EML1: variants seen among roughly 807,000 people sequenced by gnomAD.
The protein encoded by EML1 is EMAP like 1.
A neutral mutation model predicts 110.4 loss-of-function variants in EML1; 27 were observed. That is an observed-to-expected ratio of 0.24 (90% CI 0.18 to 0.34). EML1 has a LOEUF of 0.34. EML1 is among the 10% of genes least tolerant of loss of function. The probability of loss-of-function intolerance (pLI) is 1.00; values close to 1 mark genes in which losing one functional copy is unlikely to be tolerated. For synonymous variants in EML1, 344 were observed against 385.8 expected (o/e 0.89, Z 1.27); for missense variants, 741 against 1,030.9 (o/e 0.72, Z 3.85).
Position 99,878,500 on chromosome 14 carries a change from C to G in EML1, c.399C>G (p.Thr133=). The stretch of plus-strand genomic sequence containing the variant: ...CCACCCTTAGTAACATCAAGAGGAC[C>G]AGCTCTTCTGAACGAGTGTCTCCTG... ...VPATKSNIKR[T]SSSERVSPGG... Residue 133 remains threonine, a synonymous_variant, in exon 4 of 22, where the codon ACC becomes ACG. Coordinates refer to ENST00000262233, the MANE Select transcript of EML1 (RefSeq NM_004434.3). 2 of 1,612,814 alleles carry G rather than the reference C, an allele frequency of 1.2e-6. No individual in the cohort carries two copies. Among genetic ancestry groups the G allele is most frequent in the Non-Finnish European group, 1.7e-6 (2 of 1,179,576 alleles).
At chr14:99,856,766 A>G (rs1487232619) in intron 2 of EML1, among the ~76,000 whole-genome samples, 2 of 152,208 alleles carry the variant, frequency 1.3e-5, no homozygotes, top group Non-Finnish European at 2.9e-5. Context: ...CAAATTTTGT[A>G]TTATGAAAAT....
chr14:99,780,688 G>A (rs982257235), intron 1 of EML1, among the ~76,000 whole-genome samples: 1 of 152,156 alleles, frequency 6.6e-6, no homozygotes, highest in African/African-American at 2.4e-5. Context: ...GGTCCCATAA[G>A]GTTATGACAC....
chr14:99,843,381 G>A (rs1396421378), intron 1 of EML1, among the ~76,000 whole-genome samples: 2 of 152,122 alleles, frequency 1.3e-5, no homozygotes, highest in South Asian at 2.1e-4. Flanking sequence ...ACAGCACATA[G>A]GAATTTTGTT....
chr14:99,924,639 ATAT>A (rs1326071443), intron 17 of EML1, among the ~76,000 whole-genome samples: 1 of 152,166 alleles, frequency 6.6e-6, no homozygotes, highest in Non-Finnish European at 1.5e-5. Flanking sequence ...CAGTCTTATT[ATAT>A]TATATTAATA....
At chr14:99,753,575 C>T (rs1414108949) in intron 1 of EML1, among the ~76,000 whole-genome samples, 1 of 152,006 alleles carries the variant, frequency 6.6e-6, no homozygotes, top group African/African-American at 2.4e-5. Flanking sequence ...CAGGGAGGGG[C>T]CTCCTCTGTA....
At chr14:99,808,091 T>C (rs1308671147) in intron 1 of EML1, among the ~76,000 whole-genome samples, 1 of 152,186 alleles carries the variant, frequency 6.6e-6, no homozygotes, top group African/African-American at 2.4e-5. Context: ...TGGTCTTTCC[T>C]CTGCGTTTCT....
intron 3 of EML1, among the ~76,000 whole-genome samples, chr14:99,870,103 A>G (rs1473304385): frequency 6.6e-6 from 1 of 152,258 alleles, no homozygotes; most frequent in Non-Finnish European, 1.5e-5. Context: ...CTTGAAGGAA[A>G]TTCGAAGTGC....
chr14:99,881,725 C>T (rs1239729827), intron 4 of EML1, among the ~76,000 whole-genome samples: 1 of 151,878 alleles, frequency 6.6e-6, no homozygotes, highest in Admixed American at 6.6e-5. Flanking sequence ...CTCAGCCTCC[C>T]GAGAAGCTGG....
chr14:99,899,838 C>A (rs2059731451), intron 8 of EML1, among the ~76,000 whole-genome samples: 1 of 151,792 alleles, frequency 6.6e-6, no homozygotes, highest in Non-Finnish European at 1.5e-5. Context: ...TGAATCGGTA[C>A]TTTAGAACTA....
At chr14:99,875,343 G>T (rs2139923018) in intron 3 of EML1, among the ~76,000 whole-genome samples, 1 of 152,194 alleles carries the variant, frequency 6.6e-6, no homozygotes, top group East Asian at 1.9e-4. Flanking sequence ...TTGCTGCAGG[G>T]GATTTGTGAG....
Position 99,793,461 on chromosome 14 carries a change from G to A in EML1, c.-16G>A. 1 of 1,046,142 alleles carries A rather than the reference G, an allele frequency of 9.6e-7. No individual in the cohort carries two copies. 64.8% of individuals were successfully genotyped at this position (1,046,142 alleles called of 1,614,324 possible). A position where few individuals can be genotyped will look rare whatever the true frequency, so the allele number is the denominator to read the frequency against. On this transcript the variant is annotated 5_prime_UTR_variant, in exon 1 of 22. Transcript: ENST00000262233. ...GCGGCCGGGCCGGGGAGCGGGCGCG[G>A]CCCGGCGGCCTCAGCATGGAGGACG...
At position 99,851,004 on chromosome 14, in the gene EML1, G is replaced by A; in HGVS notation, c.219G>A (p.Gln73=). Residue 73 remains glutamine, a synonymous_variant, in exon 2 of 22, where the codon CAG becomes CAA. Transcript: ENST00000262233. ...VRRLNITEEQ[Q]AVLNRKGPTK... is the part of the protein sequence containing the mutation. Reference sequence around the variant, plus strand: ...GGCTGAACATTACTGAGGAACAGCAGGCCGTGCTTAACAGGAAAGGACCTA... The same window carrying A: ...GGCTGAACATTACTGAGGAACAGCAAGCCGTGCTTAACAGGAAAGGACCTA... 1 of 1,614,080 alleles carries A rather than the reference G, an allele frequency of 6.2e-7. No individual in the cohort carries two copies. Among genetic ancestry groups the A allele is most frequent in the Admixed American group, 1.7e-5 (1 of 60,020 alleles).
intron 20 of EML1, among the ~76,000 whole-genome samples, chr14:99,938,991 G>GAGAC (rs755594800): frequency 2.0e-5 from 3 of 152,246 alleles, no homozygotes; most frequent in Non-Finnish European, 4.4e-5. Context: ...GAGCATCAGA[G>GAGAC]GGTCTCCGAG....
At position 99,850,460 on chromosome 14, in the gene EML1, T is replaced by C. The variant is rs1295490681; in HGVS notation, c.68-393T>C. On this transcript the variant is annotated intron_variant, in intron 1 of 21. Coordinates refer to ENST00000262233, the MANE Select transcript of EML1 (RefSeq NM_004434.3). ...ATGACCTACCTGTCAGTTAACATAA[T>C]TGGAACAGAAGCTAGAAGACCATGC... is the stretch of plus-strand genomic sequence containing the variant. 3.9e-6 allele frequency: 3 copies of C among 764,304 alleles called. No homozygotes were observed. The East Asian group carries it at 1.9e-4, about 49-fold the overall frequency. The allele number at this position is 764,304 out of a possible 1,614,324, so 47.3% of individuals were successfully genotyped here.
At chr14:99,909,601 C>T (rs534542127) in intron 11 of EML1, 122 bp downstream of exon 11, 7 of 1,259,846 alleles carry the variant, frequency 5.6e-6, no homozygotes, top group Admixed American at 4.0e-5. Context: ...AGTTGGGAAG[C>T]GTGTCACACC....
chr14:99,762,990 C>T (rs1018089776), intron 1 of EML1, among the ~76,000 whole-genome samples: 7 of 152,108 alleles, frequency 4.6e-5, no homozygotes, highest in South Asian at 2.1e-4. Context: ...TGAATTCCCA[C>T]GTGTTGTGGG....
At chr14:99,916,900 C>T (rs1299741179) in intron 15 of EML1, among the ~76,000 whole-genome samples, 2 of 152,244 alleles carry the variant, frequency 1.3e-5, no homozygotes, top group Non-Finnish European at 2.9e-5. Flanking sequence ...ATCCCTCCCT[C>T]CCCTGTGTAT....
At chr14:99,864,986 A>G (rs2059070093) in intron 2 of EML1, among the ~76,000 whole-genome samples, 1 of 152,112 alleles carries the variant, frequency 6.6e-6, no homozygotes, top group African/African-American at 2.4e-5. Flanking sequence ...TGATTTTTCC[A>G]CAGAAGTGGG....
chr14:99,739,679 A>T (rs2057020255), intron 1 of EML1, among the ~76,000 whole-genome samples: 1 of 152,114 alleles, frequency 6.6e-6, no homozygotes, highest in Non-Finnish European at 1.5e-5. Context: ...TTGAAGTTGA[A>T]CTTGGCTGGC....
Sources: gnomAD v4.1 joint callset for allele counts (sites outside exome capture counted in the v4.1 genomes callset) on GRCh38, gnomAD v4.1.1 for gene constraint, MANE v1.5 for transcripts, NCBI Gene and HGNC (gene_info 2026-07-23, HGNC 2026-07-21) for gene names.